The following OPHN1 variants were observed in gnomAD, a reference collection of about 807,000 sequenced individuals.
The protein encoded by OPHN1 is oligophrenin 1.
In OPHN1, 11 loss-of-function variants were observed where a neutral mutation model predicts 60.7. The ratio of observed to expected loss-of-function variants is 0.18; its 90% CI spans 0.11 to 0.30. The LOEUF is 0.30. Ranked by LOEUF, OPHN1 falls within the 10% of genes least tolerant of loss-of-function variation. OPHN1 has a pLI of 1.00. For missense variants in OPHN1, 449 were observed against 611.0 expected (o/e 0.73, Z 2.80); for synonymous variants, 226 against 222.6 (o/e 1.02, Z -0.14).
chrX:68,324,853 G>A (rs1241213952), intron 2 of OPHN1, among the ~76,000 whole-genome samples: 1 of 104,628 alleles, frequency 9.6e-6, no homozygotes, highest in Non-Finnish European at 1.9e-5. Flanking sequence ...ACCAGCCTGG[G>A]CAACATAAGG....
At chrX:68,246,964 C>T (rs1026936603) in intron 5 of OPHN1, among the ~76,000 whole-genome samples, 2 of 111,667 alleles carry the variant, frequency 1.8e-5, no homozygotes, top group Non-Finnish European at 3.8e-5. Context: ...TCCCCTGCTG[C>T]AAAGCGTTCC....
intron 2 of OPHN1, among the ~76,000 whole-genome samples, chrX:68,340,675 C>A (rs1477970888): frequency 4.5e-5 from 5 of 110,845 alleles, no homozygotes; most frequent in Non-Finnish European, 9.5e-5. Flanking sequence ...ACCCAAAACA[C>A]AAGGAACAAG....
intron 15 of OPHN1, chrX:68,133,244 G>C: frequency 4.5e-6 from 3 of 670,781 alleles, no homozygotes; most frequent in Non-Finnish European, 7.4e-6. Context: ...GATGAAGAAG[G>C]ACCAGCCCAC....
At chrX:68,364,046 G>C (rs1008903659) in intron 2 of OPHN1, among the ~76,000 whole-genome samples, 1 of 112,100 alleles carries the variant, frequency 8.9e-6, no homozygotes, top group East Asian at 2.8e-4. Context: ...AACATGCCCA[G>C]TTCTTATTCA....
chrX:68,396,438 G>A (rs764177664), intron 2 of OPHN1, among the ~76,000 whole-genome samples: 1 of 105,548 alleles, frequency 9.5e-6, no homozygotes, highest in South Asian at 4.5e-4. Flanking sequence ...GGTTGTGGAG[G>A]CTAGGTGAAT....
intron 2 of OPHN1, among the ~76,000 whole-genome samples, chrX:68,409,512 C>A (rs2078759553): frequency 9.0e-6 from 1 of 111,679 alleles, no homozygotes; most frequent in Admixed American, 9.6e-5. Flanking sequence ...CCCTAGAATG[C>A]TGAGGACAAT....
In OPHN1 at chrX:68,043,419, G is replaced by A. The variant is rs1258359837; in HGVS notation, c.*3753C>T. The A allele has an allele frequency of 9.2e-6, 1 of 109,255 alleles. No homozygotes were observed. The highest frequency in any genetic ancestry group is 3.4e-5 in the African/African-American group (1 of 29,802). 9.0% of individuals were successfully genotyped at this position (109,255 alleles called of 1,213,427 possible). A position where few individuals can be genotyped will look rare whatever the true frequency, so the allele number is the denominator to read the frequency against. On this transcript the variant is annotated 3_prime_UTR_variant, in exon 25 of 25. Transcript: ENST00000355520. The stretch of plus-strand genomic sequence containing the variant: ...AAAAAAAGGTATCTTGATTCTCTCT[G>A]AAATTTTTTATTATTTCTGATGTTT...
intron 5 of OPHN1, among the ~76,000 whole-genome samples, chrX:68,256,080 A>T (rs925442053): frequency 9.0e-6 from 1 of 111,217 alleles, no homozygotes; most frequent in African/African-American, 3.3e-5. Context: ...GGACCTGCTC[A>T]CTGCGAATGC....
intron 2 of OPHN1, among the ~76,000 whole-genome samples, chrX:68,317,376 AAAGGAAGGAAGGAAGG>A (rs771749142): frequency 4.0e-4 from 20 of 50,583 alleles, no homozygotes; most frequent in South Asian, 1.1e-3. Flanking sequence ...AGAAAGAAAG[AAAGGAAGGAAGGAAGG>A]AAGGAAGGAA....
chrX:68,375,841 T>C (rs2078554156), intron 2 of OPHN1, among the ~76,000 whole-genome samples: 1 of 111,486 alleles, frequency 9.0e-6, no homozygotes, highest in Admixed American at 9.6e-5. Context: ...ATTATAATCT[T>C]CATTTTATGG....
intron 2 of OPHN1, among the ~76,000 whole-genome samples, chrX:68,319,806 A>G (rs917155313): frequency 2.4e-4 from 27 of 110,660 alleles, no homozygotes; most frequent in Admixed American, 2.3e-3. Context: ...TTGCTCTACA[A>G]AAGACCTGTT....
intron 2 of OPHN1, among the ~76,000 whole-genome samples, chrX:68,380,480 T>C (rs905034147): frequency 5.4e-5 from 6 of 111,501 alleles, no homozygotes; most frequent in African/African-American, 1.3e-4. Flanking sequence ...AGCTTTTGAA[T>C]GTGTTTGCTC....
intron 2 of OPHN1, among the ~76,000 whole-genome samples, chrX:68,337,842 A>G (rs2078332002): frequency 9.1e-6 from 1 of 110,249 alleles, no homozygotes; most frequent in African/African-American, 3.3e-5. Flanking sequence ...GATATTTTAT[A>G]ATGATACGAG....
chrX:68,365,818 C>CT (rs11419921), intron 2 of OPHN1, among the ~76,000 whole-genome samples: 16,810 of 97,026 alleles, frequency 0.17, 1,843 homozygotes, highest in African/African-American at 0.37. Flanking sequence ...CAATTATTCC[C>CT]TTTTTTTTTT....
intron 15 of OPHN1, among the ~76,000 whole-genome samples, chrX:68,121,311 C>A (rs1447902165): frequency 3.6e-5 from 4 of 111,584 alleles, no homozygotes; most frequent in African/African-American, 1.3e-4. Flanking sequence ...ACAAATAACC[C>A]AAGTAAAAAA....
At chrX:68,185,700 G>C (rs1463769126) in intron 15 of OPHN1, among the ~76,000 whole-genome samples, 1 of 110,804 alleles carries the variant, frequency 9.0e-6, no homozygotes, top group Non-Finnish European at 1.9e-5. Context: ...GAGGTAAGCA[G>C]TAGCCCTAAA....
intron 17 of OPHN1, 128 bp from the exon 18 acceptor site, chrX:68,112,087 AC>A: frequency 2.7e-6 from 1 of 373,226 alleles, no homozygotes; most frequent in South Asian, 4.4e-5. Flanking sequence ...ACACACACAC[AC>A]AGAGAGAGAT....
intron 15 of OPHN1, among the ~76,000 whole-genome samples, chrX:68,166,067 C>T (rs999302337): frequency 8.9e-6 from 1 of 112,259 alleles, no homozygotes; most frequent in South Asian, 3.7e-4. Flanking sequence ...ATGCATCAAA[C>T]ACCTACATGA....
At chrX:68,116,266 ATAGAAT>A (rs1237864500) in intron 16 of OPHN1, among the ~76,000 whole-genome samples, 1 of 112,159 alleles carries the variant, frequency 8.9e-6, no homozygotes, top group Non-Finnish European at 1.9e-5. Context: ...GGGATTCTCT[ATAGAAT>A]GTGGATTTTT....
Sources: allele counts gnomAD v4.1 joint callset (sites outside exome capture counted in the v4.1 genomes callset), GRCh38; gene constraint gnomAD v4.1.1; transcripts MANE v1.5; gene names NCBI Gene and HGNC (gene_info 2026-07-23, HGNC 2026-07-21).